GSE1: variants seen among roughly 807,000 people sequenced by gnomAD.
GSE1 encodes the protein Gse1 coiled-coil protein, also known as genetic suppressor element 1.
Under a neutral mutation model 112.6 loss-of-function variants are expected in GSE1, and 32 were observed. The observed-to-expected ratio is 0.28, with a 90% CI of 0.21 to 0.38. The LOEUF is 0.38. GSE1 is among the 10% of genes least tolerant of loss of function. The pLI, the probability that GSE1 is intolerant of heterozygous loss-of-function variation, is 1.00. For missense variants in GSE1, 2,348 were observed against 1,699.2 expected (o/e 1.38, Z -6.71); for synonymous variants, 1,115 against 735.6 (o/e 1.52, Z -8.35).
Position 85,575,810 on chromosome 16 carries a change from C to G in GSE1, c.37+19447C>G, listed in dbSNP as rs2046205066. Among the ~76,000 whole-genome samples the G allele has an allele frequency of 2.0e-5, 3 of 151,738 alleles. No individual in the cohort carries two copies. In the South Asian group the frequency reaches 6.2e-4, roughly 32 times the overall value. On this transcript the variant is annotated intron_variant, in intron 1 of 2. Transcript: ENST00000635906. ...GAAAACTGCTTAATTGTAGAGATCG[C>G]TTTTCTAGGATTCCAGTCTTTTTAT...
At chr16:85,390,290 A>C (rs975616370) in intron 2 of GSE1, among the ~76,000 whole-genome samples, 1 of 152,038 alleles carries the variant, frequency 6.6e-6, no homozygotes, top group Non-Finnish European at 1.5e-5. Context: ...GGTGGGGGTC[A>C]TCACTCAAGT....
intron 1 of GSE1, among the ~76,000 whole-genome samples, chr16:85,356,645 C>T (rs2046956614): frequency 1.3e-5 from 2 of 152,196 alleles, no homozygotes. Flanking sequence ...TTCCTGTGTC[C>T]ATTTTTTAAA....
intron 2 of GSE1, 57 bp downstream of exon 2, chr16:85,634,189 T>C (rs1184307199): frequency 1.2e-5 from 15 of 1,217,356 alleles, no homozygotes; most frequent in Non-Finnish European, 1.6e-5. Flanking sequence ...AGGCCGGGAC[T>C]CAGCCTCCCG....
rs758290227 is a variant in GSE1 at position 85,655,936 on chromosome 16, G to A, written c.989+19G>A. On this transcript the variant is annotated intron_variant, in intron 6 of 15. Coordinates refer to ENST00000253458, the MANE Select transcript of GSE1 (RefSeq NM_014615.5). ...CGGAGAGGTAAGTGCGTCTCGAGCC[G>A]AGGAGCCCCTCTGCCCTCCCTGTCC... 10 of 1,584,610 alleles carry A rather than the reference G, an allele frequency of 6.3e-6. No individual in the cohort carries two copies. Among genetic ancestry groups the A allele is most frequent in the East Asian group, 2.2e-5 (1 of 44,748 alleles).
At chr16:85,505,919 C>A (rs1277868541) in intron 2 of GSE1, among the ~76,000 whole-genome samples, 1 of 151,916 alleles carries the variant, frequency 6.6e-6, no homozygotes, top group Non-Finnish European at 1.5e-5. Context: ...GCTGTAGTGA[C>A]CTGTGACTGC....
At chr16:85,331,940 C>T (rs1410684395) in intron 1 of GSE1, among the ~76,000 whole-genome samples, 2 of 151,976 alleles carry the variant, frequency 1.3e-5, no homozygotes, top group Admixed American at 1.3e-4. Flanking sequence ...CGCATGCAGC[C>T]TTGGGGCCTC....
chr16:85,432,566 T>C (rs919506750), intron 2 of GSE1, among the ~76,000 whole-genome samples: 9 of 152,230 alleles, frequency 5.9e-5, no homozygotes, highest in Non-Finnish European at 8.8e-5. Flanking sequence ...CAAGCACATA[T>C]GTTGCACGTC....
intron 1 of GSE1, among the ~76,000 whole-genome samples, chr16:85,585,218 C>A (rs1399820400): frequency 6.6e-6 from 1 of 152,230 alleles, no homozygotes; most frequent in Non-Finnish European, 1.5e-5. Context: ...TGCTGCAGCC[C>A]TGCCTGCCCT....
chr16:85,364,226 G>C lies in GSE1; in HGVS notation c.2464+6583G>C, dbSNP rs78386517. Among the ~76,000 whole-genome samples, 1,478 of 152,220 alleles carry C rather than the reference G, an allele frequency of 9.7e-3. 24 individuals carry two copies. The highest frequency in any genetic ancestry group is 0.034 in the African/African-American group (1,402 of 41,520). On this transcript the variant is annotated intron_variant, in intron 2 of 2. Coordinates refer to the GSE1 transcript ENST00000637419. Reference sequence around the variant, plus strand: ...GGCCCCTCCCTCCACCTTAAATCCAGCAACTCAGCGTCTCTCAGACCCTGC... The same window carrying C: ...GGCCCCTCCCTCCACCTTAAATCCACCAACTCAGCGTCTCTCAGACCCTGC...
chr16:85,615,547 C>T (rs2048320540), intron 1 of GSE1, among the ~76,000 whole-genome samples: 1 of 152,136 alleles, frequency 6.6e-6, no homozygotes, highest in African/African-American at 2.4e-5. Context: ...GGTGCCGGGC[C>T]AGAGCTGGTG....
At chr16:85,547,880 A>AC (rs1487581901) in intron 2 of GSE1, among the ~76,000 whole-genome samples, 20 of 140,066 alleles carry the variant, frequency 1.4e-4, no homozygotes, top group Non-Finnish European at 2.4e-4. Context: ...CTCTGTCTCA[A>AC]AAAAAAAAAA....
chr16:85,624,535 A>G (rs1222895306), intron 1 of GSE1, among the ~76,000 whole-genome samples: 1 of 152,200 alleles, frequency 6.6e-6, no homozygotes, highest in Non-Finnish European at 1.5e-5. Flanking sequence ...GAGAGCTGCC[A>G]CAGGGAGGGG....
chr16:85,466,313 A>G (rs963063687), intron 2 of GSE1, among the ~76,000 whole-genome samples: 1 of 152,070 alleles, frequency 6.6e-6, no homozygotes, highest in African/African-American at 2.4e-5. Flanking sequence ...AGGCGTGGTG[A>G]TGTGATTACT....
intron 3 of GSE1, among the ~76,000 whole-genome samples, chr16:85,651,957 T>A (rs1440690255): frequency 1.3e-5 from 2 of 152,194 alleles, no homozygotes; most frequent in East Asian, 1.9e-4. Flanking sequence ...TCCTTCCTCG[T>A]GCTCCGTTCC....
At chr16:85,647,342 C>T (rs948865373) in intron 2 of GSE1, among the ~76,000 whole-genome samples, 12 of 152,194 alleles carry the variant, frequency 7.9e-5, no homozygotes, top group Admixed American at 2.0e-4. Context: ...CTTTCTGAGG[C>T]GACGGGCGAG....
intron 1 of GSE1, among the ~76,000 whole-genome samples, chr16:85,219,849 T>A (rs2075362714): frequency 6.6e-6 from 1 of 152,180 alleles, no homozygotes; most frequent in South Asian, 2.1e-4. Context: ...AGCCGACGTC[T>A]CTTTGTTTCT....
intron 2 of GSE1, among the ~76,000 whole-genome samples, chr16:85,433,868 G>T (rs1244117409): frequency 1.3e-5 from 2 of 149,992 alleles, no homozygotes; most frequent in African/African-American, 4.9e-5. Context: ...GGATGGAAGT[G>T]GTTTGGATGG....
chr16:85,276,802 G>A (rs1187686192), intron 1 of GSE1, among the ~76,000 whole-genome samples: 7 of 152,098 alleles, frequency 4.6e-5, no homozygotes, highest in African/African-American at 7.2e-5. Flanking sequence ...ATGTGCTCTC[G>A]GCCCCACCCA....
chr16:85,171,483 CCTG>C, exon 1 of GSE1: 6 of 985,644 alleles, frequency 6.1e-6, no homozygotes, highest in South Asian at 4.7e-5. Context: ...GCTACCATGA[CCTG>C]CTGGCCCAGT....
Sources: allele counts gnomAD v4.1 joint callset (sites outside exome capture counted in the v4.1 genomes callset), GRCh38; gene constraint gnomAD v4.1.1; transcripts MANE v1.5; gene names NCBI Gene and HGNC (gene_info 2026-07-23, HGNC 2026-07-21).